Variants in AASS observed in about 807,000 individuals in gnomAD.
AASS encodes the protein alpha-aminoadipic semialdehyde synthase, mitochondrial.
Under a neutral mutation model 105.4 loss-of-function variants are expected in AASS, and 86 were observed. The ratio of observed to expected loss-of-function variants is 0.82; its 90% CI spans 0.69 to 0.98. The LOEUF (loss-of-function observed/expected upper bound fraction) is 0.98, where lower values mean the gene tolerates loss of function less well. Among genes scored for constraint, AASS ranks in the 50% least tolerant of loss-of-function variants. AASS has a pLI of 0.00. For synonymous variants in AASS, 381 were observed against 394.8 expected, an observed-to-expected ratio of 0.96 and a Z score of 0.41; for missense variants, 1,048 against 1,143.2, an observed-to-expected ratio of 0.92 and a Z score of 1.20.
intron 11 of AASS, among the ~76,000 whole-genome samples, chr7:122,106,565 C>T (rs922767074): frequency 1.3e-5 from 2 of 151,870 alleles, no homozygotes; most frequent in African/African-American, 4.8e-5. Flanking sequence ...GACACAAAGA[C>T]CAATAAAACA....
chr7:122,114,976 G>T, intron 9 of AASS, 98 bp downstream of exon 9: 1 of 1,512,842 alleles, frequency 6.6e-7, no homozygotes, highest in Non-Finnish European at 9.2e-7. Flanking sequence ...CAGAGAAGTA[G>T]TCATTAGAAA....
chr7:122,113,517 A>T, intron 10 of AASS, 81 bp downstream of exon 10: 1 of 1,550,846 alleles, frequency 6.4e-7, no homozygotes, highest in Non-Finnish European at 8.8e-7. Flanking sequence ...CTTCATAAAG[A>T]TGTAAAATAC....
chr7:122,096,349 T>C (rs1242116906), intron 15 of AASS, among the ~76,000 whole-genome samples: 1 of 152,114 alleles, frequency 6.6e-6, no homozygotes, highest in East Asian at 1.9e-4. Flanking sequence ...AATAAAACAA[T>C]TAGCCAGGCA....
intron 1 of AASS, among the ~76,000 whole-genome samples, chr7:122,137,830 C>A (rs549948637): frequency 6.6e-6 from 1 of 152,208 alleles, no homozygotes; most frequent in South Asian, 2.1e-4. Flanking sequence ...TTCTGGAATG[C>A]CTTCAATGAA....
chr7:122,097,764 T>A (rs972870020), intron 15 of AASS, among the ~76,000 whole-genome samples: 9 of 151,972 alleles, frequency 5.9e-5, no homozygotes, highest in African/African-American at 1.9e-4. Context: ...CTCCAAAGGA[T>A]AAAATAGACA....
At chr7:122,124,276 T>TTGTG (rs1479893632) in intron 4 of AASS, among the ~76,000 whole-genome samples, 1 of 152,088 alleles carries the variant, frequency 6.6e-6, no homozygotes, top group Non-Finnish European at 1.5e-5. Flanking sequence ...TGTTTGTTTT[T>TTGTG]TGTGTGTTTG....
At chr7:122,138,036 G>T (rs1403421737) in intron 1 of AASS, among the ~76,000 whole-genome samples, 1 of 152,060 alleles carries the variant, frequency 6.6e-6, no homozygotes, top group Non-Finnish European at 1.5e-5. Context: ...GCAAGGGTGG[G>T]GTACAAGACC....
intron 2 of AASS, among the ~76,000 whole-genome samples, chr7:122,132,146 A>T (rs1030404640): frequency 1.3e-5 from 2 of 152,292 alleles, no homozygotes; most frequent in South Asian, 4.1e-4. Context: ...ATGAAGATGT[A>T]TATATAAACT....
chr7:122,137,954 G>A lies in AASS; in HGVS notation c.-15-4213C>T, dbSNP rs568433964. On this transcript the variant is annotated intron_variant, in intron 1 of 23. Transcript: ENST00000417368. ...GCAAGGAGGATGTAGAAAAGCAGGA[G>A]GCAGAGAGGGGGAAAAAAAGAGCTA... is the stretch of plus-strand genomic sequence containing the variant. Among the ~76,000 whole-genome samples the A allele has an allele frequency of 2.1e-4, 32 of 152,178 alleles. No individual in the cohort carries two copies. The East Asian group carries it at 4.1e-3, about 19-fold the overall frequency.
intron 18 of AASS, among the ~76,000 whole-genome samples, chr7:122,087,674 C>T (rs1029155220): frequency 2.0e-4 from 30 of 152,128 alleles, no homozygotes; most frequent in Admixed American, 1.2e-3. Context: ...ATAGCCTGAG[C>T]GACACAGCAA....
At chr7:122,114,687 C>T (rs747929934) in intron 9 of AASS, among the ~76,000 whole-genome samples, 2 of 152,076 alleles carry the variant, frequency 1.3e-5, no homozygotes, top group African/African-American at 2.4e-5. Context: ...GAAGACTTCT[C>T]TGAGCAAATA....
chr7:122,078,113 C>T (rs2150506323), intron 22 of AASS, 99 bp from the exon 23 acceptor site: 1 of 1,135,242 alleles, frequency 8.8e-7, no homozygotes, highest in Non-Finnish European at 1.3e-6. Flanking sequence ...AGTTTTCCCT[C>T]CTTTTATATA....
chr7:122,133,884 G>A, intron 1 of AASS, 143 bp from the exon 2 acceptor site: 1 of 754,332 alleles, frequency 1.3e-6, no homozygotes, highest in Non-Finnish European at 2.2e-6. Context: ...GGGAAAACTG[G>A]GATGTCAAGT....
intron 8 of AASS, among the ~76,000 whole-genome samples, chr7:122,116,299 T>C (rs1211930968): frequency 6.6e-6 from 1 of 152,158 alleles, no homozygotes; most frequent in Non-Finnish European, 1.5e-5. Context: ...GTCATAGGCA[T>C]TATGCTCTGC....
Position 122,091,780 on chromosome 7 carries a change from T to A in AASS, c.1939A>T (p.Arg647Ter). 6.2e-7 allele frequency: 1 copy of A among 1,613,486 alleles called. No homozygotes were observed. The highest frequency in any genetic ancestry group is 8.5e-7 in the Non-Finnish European group (1 of 1,179,676). Residue 647 changes from arginine (R) to a stop codon, truncating the protein, a stop_gained, in exon 18 of 24, where the codon AGA (arginine) becomes TGA (stop). Transcript: ENST00000417368. LOFTEE classifies it high-confidence loss of function. ...PAPEHSNNPL[R>*]YKFSWSPVGV... ...ACTGGACTCCAGCTAAATTTATATCTCAATGGATTGTTTGAATGTTCAGGG... is the reference window on the plus strand; with the variant it reads ...ACTGGACTCCAGCTAAATTTATATCACAATGGATTGTTTGAATGTTCAGGG...
chr7:122,079,305 A>G, intron 21 of AASS: 1 of 1,349,790 alleles, frequency 7.4e-7, no homozygotes, highest in African/African-American at 1.5e-5. Flanking sequence ...TTCATGTAAT[A>G]TTCTATGACT....
In AASS at chr7:122,079,382, T is replaced by A. The variant is rs183720477; in HGVS notation, c.2396+215A>T. On this transcript the variant is annotated intron_variant, in intron 21 of 23. Transcript: ENST00000417368. ...CTTGGGAACTGAGTGGTAAAGTGTT[T>A]CGAGATAAGCATTTCTCAAATTCTA... 3.9e-4 allele frequency: 529 copies of A among 1,364,718 alleles called. 18 individuals carry two copies. In the Admixed American group the frequency reaches 0.014, roughly 37 times the overall value. The allele number at this position is 1,364,718 out of a possible 1,614,324, so 84.5% of individuals were successfully genotyped here.
chr7:122,091,111 T>A (rs1434082936), intron 18 of AASS, among the ~76,000 whole-genome samples: 2 of 152,196 alleles, frequency 1.3e-5, no homozygotes, highest in Non-Finnish European at 2.9e-5. Flanking sequence ...TAAGAGTTAG[T>A]TAGACCTGGG....
intron 15 of AASS, among the ~76,000 whole-genome samples, chr7:122,095,459 C>G (rs182342037): frequency 3.5e-3 from 531 of 151,340 alleles, no homozygotes; most frequent in Middle Eastern, 6.9e-3. Context: ...TTTTTTAATG[C>G]CTATTTGGTA....
Sources: gnomAD v4.1 joint callset for allele counts (sites outside exome capture counted in the v4.1 genomes callset) on GRCh38, gnomAD v4.1.1 for gene constraint, MANE v1.5 for transcripts, NCBI Gene and HGNC (gene_info 2026-07-23, HGNC 2026-07-21) for gene names.